The following PCDHA1 variants were observed in gnomAD, a reference collection of about 807,000 sequenced individuals.
PCDHA1 encodes the protein protocadherin alpha 1, also known as protocadherin alpha-1.
A neutral mutation model predicts 61.3 loss-of-function variants in PCDHA1; 42 were observed. The observed-to-expected ratio is 0.69, with a 90% CI of 0.54 to 0.89. The LOEUF (loss-of-function observed/expected upper bound fraction) is 0.89, where lower values mean the gene tolerates loss of function less well. PCDHA1 is among the 40% of genes least tolerant of loss of function. The pLI, the probability that PCDHA1 is intolerant of heterozygous loss-of-function variation, is 0.00. For synonymous variants in PCDHA1, 610 were observed against 553.8 expected, an observed-to-expected ratio of 1.10 and a Z score of -1.43; for missense variants, 1,256 against 1,235.3, an observed-to-expected ratio of 1.02 and a Z score of -0.25.
In PCDHA1 at chr5:140,870,942, G is replaced by A. The variant is rs782286042; in HGVS notation, c.2394+82258G>A. ...GGCTTTCATATGAATTGCAGCCGGC[G>A]GCGGGCGGCTCGCGCATCCCGTTCC... On this transcript the variant is annotated intron_variant, in intron 1 of 3. Transcript: ENST00000504120. The A allele has an allele frequency of 5.0e-6, 8 of 1,613,740 alleles. No individual in the cohort carries two copies. The Admixed American group carries it at 6.7e-5, about 13-fold the overall frequency.
rs185971380 is a variant in PCDHA1, at chr5:140,858,398, G to C, written c.2394+69714G>C. The C allele has an allele frequency of 3.8e-6, 6 of 1,574,020 alleles. No homozygotes were observed. Among genetic ancestry groups the C allele is most frequent in the South Asian group, 2.3e-5 (2 of 88,596 alleles). ...ACCATGCCCAATGGTAGATGTGGACGGGGAAGATCAGTCTATTGGAGGGGA... is the reference window on the plus strand; with the variant it reads ...ACCATGCCCAATGGTAGATGTGGACCGGGAAGATCAGTCTATTGGAGGGGA... On this transcript the variant is annotated intron_variant, in intron 1 of 3. Coordinates refer to ENST00000504120, the MANE Select transcript of PCDHA1 (RefSeq NM_018900.4).
Position 140,851,554 on chromosome 5 carries a change from A to G in PCDHA1, c.2394+62870A>G. On this transcript the variant is annotated intron_variant, in intron 1 of 3. Transcript: ENST00000504120. Reference sequence around the variant, plus strand: ...AATGTAGATAATTCAAGAAATGTTGACTGAAATTTTGTCTACACTTAGAAC... The same window carrying G: ...AATGTAGATAATTCAAGAAATGTTGGCTGAAATTTTGTCTACACTTAGAAC... 9.9e-6 allele frequency: 9 copies of G among 909,036 alleles called. 1 individual carries two copies. The highest frequency in any genetic ancestry group is 1.1e-5 in the Non-Finnish European group (8 of 746,402). The allele number at this position is 909,036 out of a possible 1,614,324, so 56.3% of individuals were successfully genotyped here.
chr5:140,844,973 A>G (rs1229896570), intron 1 of PCDHA1, among the ~76,000 whole-genome samples: 1 of 149,218 alleles, frequency 6.7e-6, no homozygotes, highest in African/African-American at 2.5e-5. Context: ...TGTTATTAGT[A>G]TTGTTTTAAA....
chr5:140,883,693 C>T (rs2059756382), intron 1 of PCDHA1: 2 of 1,613,790 alleles, frequency 1.2e-6, no homozygotes, highest in Non-Finnish European at 1.7e-6. Flanking sequence ...GCCACATCTT[C>T]ACGGTGTCTG....
chr5:140,801,954 G>A, intron 1 of PCDHA1: 1 of 1,614,128 alleles, frequency 6.2e-7, no homozygotes, highest in Non-Finnish European at 8.5e-7. Flanking sequence ...CAGATTACTC[G>A]AAAATGCACC....
intron 1 of PCDHA1, among the ~76,000 whole-genome samples, chr5:140,903,721 C>A (rs2070530222): frequency 6.6e-6 from 1 of 152,152 alleles, no homozygotes; most frequent in Non-Finnish European, 1.5e-5. Flanking sequence ...ACAATTCTCC[C>A]TATTATCAAT....
chr5:140,849,845 C>G (rs2150453241), intron 1 of PCDHA1: 1 of 1,598,630 alleles, frequency 6.3e-7, no homozygotes, highest in East Asian at 2.2e-5. Context: ...ACGTGAACGA[C>G]AACGCACCAG....
At chr5:140,857,985 T>C (rs1554150982) in intron 1 of PCDHA1, 4 of 1,596,676 alleles carry the variant, frequency 2.5e-6, no homozygotes, top group South Asian at 2.2e-5. Flanking sequence ...CGCCAGCGCC[T>C]ACTGGTGCTG....
chr5:140,849,451 C>T lies in PCDHA1; in HGVS notation c.2394+60767C>T, dbSNP rs2150437889. 5.7e-6 allele frequency: 9 copies of T among 1,586,410 alleles called. 1 individual carries two copies. Among genetic ancestry groups the T allele is most frequent in the Non-Finnish European group, 7.8e-6 (9 of 1,160,978 alleles). ...GAAGAAAGTAGAGCACACAAGATCCCAGTCGAGGCTGTCGATAAAGGCTTC... is the reference window on the plus strand; with the variant it reads ...GAAGAAAGTAGAGCACACAAGATCCTAGTCGAGGCTGTCGATAAAGGCTTC... On this transcript the variant is annotated intron_variant, in intron 1 of 3. Coordinates refer to ENST00000504120, the MANE Select transcript of PCDHA1 (RefSeq NM_018900.4).
At chr5:140,978,914 C>T (rs2096828574) in intron 1 of PCDHA1, 35 bp from the exon 2 acceptor site, 5 of 1,613,852 alleles carry the variant, frequency 3.1e-6, no homozygotes, top group Non-Finnish European at 3.4e-6. Flanking sequence ...ATTGTCTTGT[C>T]ATTTTAACAG....
chr5:140,871,598 G>A (rs2053214620), intron 1 of PCDHA1: 1 of 1,452,006 alleles, frequency 6.9e-7, no homozygotes, highest in African/African-American at 1.4e-5. Flanking sequence ...TGAATAACCA[G>A]TGTTTTGAAT....
intron 1 of PCDHA1, chr5:140,836,576 A>C (rs1554136097): frequency 1.2e-6 from 2 of 1,613,572 alleles, no homozygotes; most frequent in African/African-American, 1.3e-5. Flanking sequence ...CTGAGGGCGC[A>C]TGTAGTTTGG....
rs781837708 is a variant in PCDHA1, at chr5:140,875,917, GAC to G, written c.2394+87234_2394+87235del. On this transcript the variant is annotated intron_variant, in intron 1 of 3. Coordinates refer to ENST00000504120, the MANE Select transcript of PCDHA1 (RefSeq NM_018900.4). Reference sequence around the variant, plus strand: ...ACCTGTTTCTGAATCTGCGCCTCTGGACTCTCATTTTCCTCTAGAGGGCGCTT... The same window carrying G: ...ACCTGTTTCTGAATCTGCGCCTCTGGTCTCATTTTCCTCTAGAGGGCGCTT... 20 of 1,614,146 alleles carry G rather than the reference GAC, an allele frequency of 1.2e-5. 1 individual carries two copies. In the South Asian group the frequency reaches 2.1e-4, roughly 17 times the overall value.
intron 1 of PCDHA1, chr5:140,795,449 T>C (rs782684873): frequency 9.3e-6 from 15 of 1,614,206 alleles, no homozygotes; most frequent in Middle Eastern, 1.6e-4. Context: ...GATGCAGATA[T>C]AGGAGTAAAT....
chr5:140,976,374 A>G (rs1163913998), intron 1 of PCDHA1, among the ~76,000 whole-genome samples: 2 of 152,040 alleles, frequency 1.3e-5, no homozygotes, highest in Non-Finnish European at 2.9e-5. Context: ...AACATGGTGA[A>G]ACCCCATCTC....
intron 1 of PCDHA1, among the ~76,000 whole-genome samples, chr5:140,953,761 A>C (rs1016551787): frequency 6.6e-6 from 1 of 152,202 alleles, no homozygotes; most frequent in Non-Finnish European, 1.5e-5. Flanking sequence ...TCCAAGAATT[A>C]AATTTAATAT....
chr5:140,877,465 G>A, intron 1 of PCDHA1: 1 of 1,613,856 alleles, frequency 6.2e-7, no homozygotes, highest in Non-Finnish European at 8.5e-7. Context: ...CACGGCCACG[G>A]TGCTGGTGTC....
At chr5:140,837,445 G>A (rs1228498805) in intron 1 of PCDHA1, among the ~76,000 whole-genome samples, 1 of 151,888 alleles carries the variant, frequency 6.6e-6, no homozygotes, top group Non-Finnish European at 1.5e-5. Context: ...CTAGTACGTA[G>A]TAAAAAATCT....
At chr5:140,802,087 C>T in intron 1 of PCDHA1, 2 of 1,614,186 alleles carry the variant, frequency 1.2e-6, no homozygotes, top group Non-Finnish European at 8.5e-7. Context: ...CATTTAGATC[C>T]AGTCAATGGA....
Sources: gnomAD v4.1 joint callset for allele counts (sites outside exome capture counted in the v4.1 genomes callset) on GRCh38, gnomAD v4.1.1 for gene constraint, MANE v1.5 for transcripts, NCBI Gene and HGNC (gene_info 2026-07-23, HGNC 2026-07-21) for gene names.